The following SCFD2 variants were observed in gnomAD, a reference collection of about 807,000 sequenced individuals.
SCFD2 encodes sec1 family domain-containing protein 2.
A neutral mutation model predicts 58.9 loss-of-function variants in SCFD2; 54 were observed. That is an observed-to-expected ratio of 0.92 (90% CI 0.74 to 1.15). The LOEUF (loss-of-function observed/expected upper bound fraction) is 1.15, where lower values mean the gene tolerates loss of function less well. SCFD2 is among the 50% of genes most tolerant of loss of function. SCFD2 has a pLI of 0.00. For missense variants in SCFD2, 805 were observed against 836.6 expected, an observed-to-expected ratio of 0.96 and a Z score of 0.47; for synonymous variants, 321 against 335.9, an observed-to-expected ratio of 0.96 and a Z score of 0.49.
chr4:52,948,762 T>C, intron 5 of SCFD2: 1 of 283,530 alleles, frequency 3.5e-6, no homozygotes, highest in Non-Finnish European at 7.1e-6. Flanking sequence ...GTAGTCTTCA[T>C]GGGGGTGGAC....
intron 5 of SCFD2, among the ~76,000 whole-genome samples, chr4:52,942,243 G>T (rs1720311797): frequency 6.6e-6 from 1 of 152,202 alleles, no homozygotes. Context: ...AGAATATTTG[G>T]CAAAAGATTA....
intron 5 of SCFD2, among the ~76,000 whole-genome samples, chr4:53,023,620 T>A (rs575552571): frequency 4.6e-5 from 7 of 152,300 alleles, no homozygotes; most frequent in African/African-American, 1.7e-4. Flanking sequence ...GACATATGAA[T>A]TTTATTTCAT....
Position 53,157,083 on chromosome 4 carries a change from T to G in SCFD2, c.1312-11501A>C, listed in dbSNP as rs75755525. Reference sequence around the variant, plus strand: ...ATTGGAATTCTGGAAAACTTATATATGCCATTGCCAGATGATCTATTCTTA... The same window carrying G: ...ATTGGAATTCTGGAAAACTTATATAGGCCATTGCCAGATGATCTATTCTTA... On this transcript the variant is annotated intron_variant, in intron 4 of 8. Coordinates refer to ENST00000401642, the MANE Select transcript of SCFD2 (RefSeq NM_152540.4). Among the ~76,000 whole-genome samples the G allele has an allele frequency of 7.4e-3, 1,126 of 152,364 alleles. 7 individuals are homozygous for G. The highest frequency in any genetic ancestry group is 0.026 in the African/African-American group (1,071 of 41,590).
chr4:53,123,043 T>C (rs1392975398), intron 5 of SCFD2, among the ~76,000 whole-genome samples: 1 of 152,198 alleles, frequency 6.6e-6, no homozygotes, highest in East Asian at 1.9e-4. Context: ...TTACTGCTCC[T>C]ATTAAATGGC....
Position 53,205,754 on chromosome 4 carries a change from C to T in SCFD2, c.1312-60172G>A, listed in dbSNP as rs542662986. 5.3e-5 allele frequency among the ~76,000 whole-genome samples: 8 copies of T among 151,564 alleles called. No individual in the cohort carries two copies. In the South Asian group the frequency reaches 1.3e-3, roughly 24 times the overall value. ...GCAGGTGCCTGTAGTCCCAGCTACT[C>T]GGGAGGCTGAGGCAGGAGAATGGCA... On this transcript the variant is annotated intron_variant, in intron 4 of 8. Transcript: ENST00000401642.
intron 4 of SCFD2, among the ~76,000 whole-genome samples, chr4:53,234,113 T>C (rs1451810329): frequency 3.9e-5 from 6 of 152,114 alleles, no homozygotes; most frequent in Non-Finnish European, 7.4e-5. Context: ...CTTTGAAAAA[T>C]GGCACAAGTA....
chr4:53,250,149 C>T (rs866165512), intron 4 of SCFD2, among the ~76,000 whole-genome samples: 47 of 152,128 alleles, frequency 3.1e-4, no homozygotes, highest in African/African-American at 1.0e-3. Flanking sequence ...AGGGTTGCAA[C>T]CCTAGTCTCG....
chr4:53,052,173 A>C (rs1009983145), intron 5 of SCFD2, among the ~76,000 whole-genome samples: 3 of 147,208 alleles, frequency 2.0e-5, no homozygotes, highest in Non-Finnish European at 2.9e-5. Context: ...GTCACTACCC[A>C]CAACTCAACT....
chr4:53,186,135 T>A (rs895873300), intron 4 of SCFD2, among the ~76,000 whole-genome samples: 1 of 152,146 alleles, frequency 6.6e-6, no homozygotes, highest in African/African-American at 2.4e-5. Context: ...CACTTGATCT[T>A]TATGACAGTC....
At chr4:53,232,688 GA>G (rs1560399863) in intron 4 of SCFD2, among the ~76,000 whole-genome samples, 1 of 152,186 alleles carries the variant, frequency 6.6e-6, no homozygotes, top group Non-Finnish European at 1.5e-5. Flanking sequence ...AAGAAAGAAA[GA>G]GCTGAGGAAA....
chr4:52,920,463 G>A (rs1719707230), intron 6 of SCFD2, among the ~76,000 whole-genome samples: 2 of 152,136 alleles, frequency 1.3e-5, no homozygotes, highest in Admixed American at 6.5e-5. Context: ...TATAGAATCA[G>A]TCTGCGACAA....
chr4:53,014,985 C>G (rs1722177396), intron 5 of SCFD2, among the ~76,000 whole-genome samples: 1 of 152,160 alleles, frequency 6.6e-6, no homozygotes, highest in African/African-American at 2.4e-5. Flanking sequence ...GAACGTTTTA[C>G]TGGTGTAGTA....
chr4:53,089,191 A>G (rs1294887108), intron 5 of SCFD2, among the ~76,000 whole-genome samples: 2 of 152,222 alleles, frequency 1.3e-5, no homozygotes, highest in Admixed American at 1.3e-4. Flanking sequence ...CCAACAGACT[A>G]AGGCAAATGT....
At chr4:52,926,786 A>C (rs1385618785) in intron 5 of SCFD2, among the ~76,000 whole-genome samples, 2 of 152,098 alleles carry the variant, frequency 1.3e-5, no homozygotes, top group African/African-American at 4.8e-5. Flanking sequence ...CAGTTAGAGA[A>C]AGGGTTGGCT....
intron 4 of SCFD2, among the ~76,000 whole-genome samples, chr4:53,228,743 T>A (rs916489681): frequency 5.3e-5 from 8 of 152,100 alleles, no homozygotes; most frequent in African/African-American, 1.9e-4. Context: ...CCACTCCTAT[T>A]CAACATAGTG....
At position 52,960,368 on chromosome 4, in the gene SCFD2, C is replaced by CT. The variant is rs35967473; in HGVS notation, c.1562-39499dup. Among the ~76,000 whole-genome samples the CT allele has an allele frequency of 8.3e-3, 1,125 of 135,146 alleles. 8 individuals are homozygous for CT. The highest frequency in any genetic ancestry group is 0.013 in the African/African-American group (464 of 36,678). 88.7% of individuals were successfully genotyped at this position (135,146 alleles called of 152,430 possible). A position where few individuals can be genotyped will look rare whatever the true frequency, so the allele number is the denominator to read the frequency against. On this transcript the variant is annotated intron_variant, in intron 5 of 8. Transcript: ENST00000401642. ...CCGCAGAGAGGCACATCTTCTTCTTCTTTTTTTTTTTTTTTTTGAGACAGA... is the reference window on the plus strand; with the variant it reads ...CCGCAGAGAGGCACATCTTCTTCTTCTTTTTTTTTTTTTTTTTTGAGACAGA...
intron 5 of SCFD2, among the ~76,000 whole-genome samples, chr4:52,939,711 C>T (rs10034233): frequency 0.051 from 7,068 of 137,878 alleles, 196 homozygotes; most frequent in South Asian, 0.13. Flanking sequence ...AGAGTACACT[C>T]AAAGGAATGG....
At chr4:52,990,760 G>GA (rs140795994) in intron 5 of SCFD2, among the ~76,000 whole-genome samples, 2,460 of 150,500 alleles carry the variant, frequency 0.016, 74 homozygotes, top group African/African-American at 0.057. Context: ...TTAGAATAAA[G>GA]AAAAAAAAAT....
At chr4:53,206,700 A>G (rs1195965336) in intron 4 of SCFD2, among the ~76,000 whole-genome samples, 9 of 152,160 alleles carry the variant, frequency 5.9e-5, no homozygotes, top group Non-Finnish European at 1.5e-5. Context: ...AAATAATTTA[A>G]TGGTCATGGA....
Sources: gnomAD v4.1 joint callset for allele counts (sites outside exome capture counted in the v4.1 genomes callset) on GRCh38, gnomAD v4.1.1 for gene constraint, MANE v1.5 for transcripts, NCBI Gene and HGNC (gene_info 2026-07-23, HGNC 2026-07-21) for gene names.